Variants in KHDRBS2 observed in about 807,000 individuals in gnomAD.
The protein encoded by KHDRBS2 is KH domain-containing, RNA-binding, signal transduction-associated protein 2.
Under a neutral mutation model 44.3 loss-of-function variants are expected in KHDRBS2, and 26 were observed. The ratio of observed to expected loss-of-function variants is 0.59; its 90% CI spans 0.43 to 0.81. The LOEUF is 0.81. KHDRBS2 is among the 40% of genes least tolerant of loss of function. KHDRBS2 has a pLI of 0.00. For missense variants in KHDRBS2, 476 were observed against 433.1 expected (o/e 1.10, Z -0.88); for synonymous variants, 194 against 151.1 (o/e 1.28, Z -2.08).
At chr6:61,858,210 T>G (rs1425593464) in intron 6 of KHDRBS2, among the ~76,000 whole-genome samples, 1 of 151,454 alleles carries the variant, frequency 6.6e-6, no homozygotes, top group Admixed American at 6.6e-5. Flanking sequence ...CTTTTGTATC[T>G]AAGAGACTTA....
chr6:61,818,449 T>C (rs1356199235), intron 6 of KHDRBS2, among the ~76,000 whole-genome samples: 1 of 151,988 alleles, frequency 6.6e-6, no homozygotes, highest in African/African-American at 2.4e-5. Flanking sequence ...GAGTGTTAAT[T>C]CTGCACTATC....
At chr6:61,629,496 C>T in the KHDRBS2 span, among the ~76,000 whole-genome samples, 28 of 152,208 alleles carry the variant, frequency 1.8e-4, no homozygotes, top group African/African-American at 6.0e-4. Context: ...AAAAGATACA[C>T]GATTCAGCAT....
At chr6:61,631,019 C>G in the KHDRBS2 span, among the ~76,000 whole-genome samples, 1 of 151,976 alleles carries the variant, frequency 6.6e-6, no homozygotes, top group African/African-American at 2.4e-5. Flanking sequence ...AATACCTGAT[C>G]TTTTCCAAGG....
intron 1 of KHDRBS2, among the ~76,000 whole-genome samples, chr6:62,179,143 G>A (rs1341395578): frequency 6.6e-6 from 1 of 151,408 alleles, no homozygotes; most frequent in Non-Finnish European, 1.5e-5. Context: ...GGGCTGTGTG[G>A]AATTTAAAAG....
intron 8 of KHDRBS2, among the ~76,000 whole-genome samples, chr6:61,682,109 T>C (rs1766371503): frequency 6.6e-6 from 1 of 151,930 alleles, no homozygotes; most frequent in Non-Finnish European, 1.5e-5. Context: ...GGGCAACTAA[T>C]GTAGGGCATT....
chr6:62,133,182 G>A (rs1467127383), intron 2 of KHDRBS2, among the ~76,000 whole-genome samples: 1 of 152,094 alleles, frequency 6.6e-6, no homozygotes, highest in Non-Finnish European at 1.5e-5. Context: ...ATGTAGATTG[G>A]TGATATGGTT....
At chr6:62,190,319 G>C (rs940764098) in intron 1 of KHDRBS2, among the ~76,000 whole-genome samples, 1 of 152,110 alleles carries the variant, frequency 6.6e-6, no homozygotes, top group Non-Finnish European at 1.5e-5. Context: ...CTTTAGAGTG[G>C]ATTTATGAGA....
intron 3 of KHDRBS2, among the ~76,000 whole-genome samples, chr6:62,028,090 T>C (rs1300264579): frequency 6.6e-6 from 1 of 152,052 alleles, no homozygotes; most frequent in Non-Finnish European, 1.5e-5. Context: ...AGATCTGTAC[T>C]AACTTCAGGC....
chr6:61,848,540 T>TATATATATAC (rs1491248609), intron 6 of KHDRBS2, among the ~76,000 whole-genome samples: 1 of 54,676 alleles, frequency 1.8e-5, no homozygotes, highest in African/African-American at 1.2e-4. Context: ...TACATATATA[T>TATATATATAC]GTATATATAT....
At chr6:61,876,895 TTCCTTGTAAATTTGA>T (rs1163725501) in intron 6 of KHDRBS2, among the ~76,000 whole-genome samples, 1 of 152,046 alleles carries the variant, frequency 6.6e-6, no homozygotes, top group Non-Finnish European at 1.5e-5. Context: ...CCGAAATATG[TTCCTTGTAAATTTGA>T]TTCTGATATC....
chr6:61,653,611 G>C, the KHDRBS2 span, among the ~76,000 whole-genome samples: 1 of 56,380 alleles, frequency 1.8e-5, no homozygotes, highest in African/African-American at 8.6e-5. Flanking sequence ...GAAACTGAGA[G>C]ACAGAGAGAG....
the KHDRBS2 span, among the ~76,000 whole-genome samples, chr6:61,634,527 C>T: frequency 5.8e-4 from 77 of 131,888 alleles, no homozygotes; most frequent in East Asian, 0.014. Flanking sequence ...CTAATAGACA[C>T]TGGTGTTGTT....
chr6:62,064,358 T>C (rs1792945064), intron 2 of KHDRBS2, among the ~76,000 whole-genome samples: 3 of 147,702 alleles, frequency 2.0e-5, no homozygotes, highest in African/African-American at 7.4e-5. Flanking sequence ...GCTGGAGGCA[T>C]CACACTACCT....
intron 4 of KHDRBS2, among the ~76,000 whole-genome samples, chr6:61,937,833 C>G (rs1325994725): frequency 6.6e-6 from 1 of 152,066 alleles, no homozygotes; most frequent in East Asian, 1.9e-4. Context: ...GCTTTATACC[C>G]ATGAGTTACA....
chr6:62,280,326 T>C (rs1040075895), intron 1 of KHDRBS2, among the ~76,000 whole-genome samples: 13 of 152,006 alleles, frequency 8.6e-5, no homozygotes, highest in Non-Finnish European at 1.5e-4. Context: ...ATTGTGTGTG[T>C]TGGTGTGGGA....
intron 3 of KHDRBS2, among the ~76,000 whole-genome samples, chr6:62,015,883 G>T (rs1395595344): frequency 6.6e-6 from 1 of 152,148 alleles, no homozygotes; most frequent in Non-Finnish European, 1.5e-5. Context: ...TAAATTGTTT[G>T]AAGATTTTCC....
chr6:62,199,765 C>T (rs7452247), intron 1 of KHDRBS2, among the ~76,000 whole-genome samples: 1,657 of 152,258 alleles, frequency 0.011, 25 homozygotes, highest in African/African-American at 0.038. Flanking sequence ...AAAAAAGAGC[C>T]CGCATTGCCA....
intron 7 of KHDRBS2, among the ~76,000 whole-genome samples, chr6:61,702,736 GATAAAA>G (rs1768891780): frequency 6.6e-6 from 1 of 151,730 alleles, no homozygotes; most frequent in Non-Finnish European, 1.5e-5. Context: ...TGTCTTTTCT[GATAAAA>G]ATAAAATTCA....
At chr6:61,962,718 G>A (rs1364403574) in intron 4 of KHDRBS2, among the ~76,000 whole-genome samples, 4 of 151,822 alleles carry the variant, frequency 2.6e-5, no homozygotes, top group Admixed American at 6.6e-5. Flanking sequence ...TTTCATCTTC[G>A]CTTTCTGACA....
Sources: gnomAD v4.1 joint callset for allele counts (sites outside exome capture counted in the v4.1 genomes callset) on GRCh38, gnomAD v4.1.1 for gene constraint, MANE v1.5 for transcripts, NCBI Gene and HGNC (gene_info 2026-07-23, HGNC 2026-07-21) for gene names.